Variants in RHEX observed in about 807,000 individuals in gnomAD.
RHEX encodes the protein regulator of hemoglobinization and erythroid cell expansion.
Under a neutral mutation model 20.1 loss-of-function variants are expected in RHEX, and 18 were observed. That is an observed-to-expected ratio of 0.90 (90% CI 0.62 to 1.33). The LOEUF is 1.33. RHEX is among the 40% of genes most tolerant of loss of function. RHEX has a pLI of 0.00. For missense variants in RHEX, 192 were observed against 214.3 expected (o/e 0.90, Z 0.65); for synonymous variants, 87 against 77.1 (o/e 1.13, Z -0.67).
intron 3 of RHEX, 86 bp downstream of exon 3, chr1:206,098,267 C>T: frequency 1.0e-6 from 1 of 985,978 alleles, no homozygotes. Flanking sequence ...CTTTGGAGTT[C>T]CCAAACGTCA....
At chr1:206,083,826 T>G (rs1226123893) in intron 1 of RHEX, among the ~76,000 whole-genome samples, 2 of 152,188 alleles carry the variant, frequency 1.3e-5, no homozygotes, top group Admixed American at 1.3e-4. Flanking sequence ...TTTATGGACA[T>G]GAATTTCTTG....
chr1:206,080,782 G>T (rs1662719649), intron 1 of RHEX, among the ~76,000 whole-genome samples: 1 of 152,154 alleles, frequency 6.6e-6, no homozygotes, highest in Non-Finnish European at 1.5e-5. Flanking sequence ...TCCATTCCCA[G>T]TAGCCTCTGA....
intron 1 of RHEX, among the ~76,000 whole-genome samples, chr1:206,076,302 G>A (rs1471336940): frequency 6.6e-6 from 1 of 152,012 alleles, no homozygotes; most frequent in Non-Finnish European, 1.5e-5. Context: ...CTACAGGCAT[G>A]CACAGGCATG....
intron 1 of RHEX, chr1:206,061,393 C>T (rs1374364977): frequency 1.3e-5 from 2 of 152,350 alleles, no homozygotes; most frequent in African/African-American, 4.8e-5. Context: ...CCCCACAAGT[C>T]CTCGGTAAGG....
At chr1:206,065,985 T>C (rs1662413906) in intron 1 of RHEX, among the ~76,000 whole-genome samples, 1 of 152,262 alleles carries the variant, frequency 6.6e-6, no homozygotes, top group African/African-American at 2.4e-5. Flanking sequence ...CTGTTTAGAC[T>C]GCCATGACAC....
At chr1:206,063,583 G>T (rs146122211) in intron 1 of RHEX, among the ~76,000 whole-genome samples, 1 of 152,054 alleles carries the variant, frequency 6.6e-6, no homozygotes. Flanking sequence ...TGGTGGAGAC[G>T]GGGTTTCGCT....
chr1:206,079,566 A>AT (rs1662698291), intron 1 of RHEX, among the ~76,000 whole-genome samples: 1 of 151,626 alleles, frequency 6.6e-6, no homozygotes, highest in African/African-American at 2.4e-5. Flanking sequence ...TTTTTTTTCT[A>AT]TTTTTTTTAG....
chr1:206,074,874 G>T (rs1056246184), intron 1 of RHEX, among the ~76,000 whole-genome samples: 33 of 152,254 alleles, frequency 2.2e-4, no homozygotes, highest in African/African-American at 5.3e-4. Context: ...CCCCTCATAG[G>T]TGATGTATTT....
rs1359816832 is a variant in RHEX, at chr1:206,064,080, C to T, written c.-97+10815C>T. Among the ~76,000 whole-genome samples, 1,440 of 149,090 alleles carry T rather than the reference C, an allele frequency of 9.7e-3. 30 individuals carry two copies. Among genetic ancestry groups the T allele is most frequent in the African/African-American group, 0.034 (1,375 of 40,258 alleles). On this transcript the variant is annotated intron_variant, in intron 1 of 5. Coordinates refer to ENST00000331555, the MANE Select transcript of RHEX (RefSeq NM_001007544.4). Reference sequence around the variant, plus strand: ...GATGTGAGGAGCGCCTCTGCCCAGCCGCGACCCCGTCTGGGAGGTGAGGAG... The same window carrying T: ...GATGTGAGGAGCGCCTCTGCCCAGCTGCGACCCCGTCTGGGAGGTGAGGAG...
chr1:206,092,116 G>A (rs1461185284), intron 1 of RHEX, among the ~76,000 whole-genome samples: 2 of 150,220 alleles, frequency 1.3e-5, no homozygotes, highest in African/African-American at 4.9e-5. Context: ...TAGAGATGGG[G>A]TCTTGCCTTG....
At chr1:206,055,051 C>T (rs906440393) in intron 1 of RHEX, among the ~76,000 whole-genome samples, 1 of 152,268 alleles carries the variant, frequency 6.6e-6, no homozygotes. Context: ...GGCCAGAGGC[C>T]CTGATTGTCC....
intron 1 of RHEX, among the ~76,000 whole-genome samples, chr1:206,065,880 C>A (rs1402160913): frequency 6.6e-6 from 1 of 152,204 alleles, no homozygotes; most frequent in Non-Finnish European, 1.5e-5. Flanking sequence ...CAGTGGGAAC[C>A]CAATCATCGG....
intron 3 of RHEX, chr1:206,098,587 A>G (rs1456804086): frequency 5.8e-6 from 1 of 172,282 alleles, no homozygotes; most frequent in Non-Finnish European, 1.3e-5. Flanking sequence ...AGATTAGTTT[A>G]AATTCTTGAA....
At chr1:206,089,551 A>G (rs1390500362) in intron 1 of RHEX, among the ~76,000 whole-genome samples, 2 of 151,948 alleles carry the variant, frequency 1.3e-5, no homozygotes, top group Non-Finnish European at 2.9e-5. Context: ...TTTCACTTTT[A>G]TAATGACGCT....
At chr1:206,101,709 G>A (rs554933784) in intron 5 of RHEX, 43 bp from the exon 6 acceptor site, 20 of 1,468,940 alleles carry the variant, frequency 1.4e-5, no homozygotes, top group African/African-American at 7.0e-5. Context: ...TCCCCCAAAC[G>A]TGGTAGGGAT....
intron 1 of RHEX, among the ~76,000 whole-genome samples, chr1:206,069,441 G>T: frequency 6.6e-6 from 1 of 152,276 alleles, no homozygotes. Context: ...CTCCCTCAAC[G>T]TCCCGAGCCA....
intron 1 of RHEX, among the ~76,000 whole-genome samples, chr1:206,068,844 C>T (rs1662477584): frequency 1.3e-5 from 2 of 152,224 alleles, no homozygotes; most frequent in South Asian, 4.1e-4. Flanking sequence ...CAGGGGGCAT[C>T]CCATAGGACA....
intron 1 of RHEX, among the ~76,000 whole-genome samples, chr1:206,092,390 C>T (rs1435835785): frequency 1.1e-4 from 16 of 152,156 alleles, no homozygotes; most frequent in Admixed American, 9.2e-4. Flanking sequence ...CTGTTCCCAT[C>T]TTACATATTA....
At chr1:206,091,136 T>C (rs1288360498) in intron 1 of RHEX, among the ~76,000 whole-genome samples, 1 of 152,212 alleles carries the variant, frequency 6.6e-6, no homozygotes, top group Non-Finnish European at 1.5e-5. Context: ...CCTTTCTGTG[T>C]CTTAGTTTTG....
Sources: allele counts gnomAD v4.1 joint callset (sites outside exome capture counted in the v4.1 genomes callset), GRCh38; gene constraint gnomAD v4.1.1; transcripts MANE v1.5; gene names NCBI Gene and HGNC (gene_info 2026-07-23, HGNC 2026-07-21).